WDR11: variants seen among roughly 807,000 people sequenced by gnomAD.
The protein encoded by WDR11 is WD repeat-containing protein 11.
A neutral mutation model predicts 151.2 loss-of-function variants in WDR11; 83 were observed. The ratio of observed to expected loss-of-function variants is 0.55; its 90% CI spans 0.46 to 0.66. The LOEUF (loss-of-function observed/expected upper bound fraction) is 0.66, where lower values mean the gene tolerates loss of function less well. WDR11 is among the 30% of genes least tolerant of loss of function. The pLI is 0.00. For synonymous variants in WDR11, 484 were observed against 533.1 expected (o/e 0.91, Z 1.27); for missense variants, 1,301 against 1,480.9 (o/e 0.88, Z 1.99).
intron 11 of WDR11, among the ~76,000 whole-genome samples, chr10:120,874,623 T>C (rs1164602897): frequency 6.6e-6 from 1 of 151,992 alleles, no homozygotes; most frequent in Admixed American, 6.6e-5. Flanking sequence ...TGTGTTCTCA[T>C]TGTTCAACTC....
rs140109839 is a variant in WDR11, at chr10:120,871,267, C to T, written c.1392C>T (p.Pro464=). 34 of 1,614,076 alleles carry T rather than the reference C, an allele frequency of 2.1e-5. No homozygotes were observed. The highest frequency in any genetic ancestry group is 4.0e-5 in the African/African-American group (3 of 75,016). Residue 464 remains proline, a synonymous_variant, in exon 10 of 29, where the codon CCC becomes CCT. Transcript: ENST00000263461. ...FLLTGLLSGL[P]APQFAIRMCP... is the part of the protein sequence containing the mutation. ...TGACGGGACTGCTTTCAGGACTGCC[C>T]GCACCACAGTTTGCTATTCGTATGT...
At chr10:120,901,619 G>C (rs543466138) in intron 21 of WDR11, among the ~76,000 whole-genome samples, 1 of 152,330 alleles carries the variant, frequency 6.6e-6, no homozygotes, top group Non-Finnish European at 1.5e-5. Context: ...CTTGGGGAAA[G>C]CGTAACACAT....
At chr10:120,886,606 G>C in intron 15 of WDR11, 83 bp from the exon 16 acceptor site, 3 of 1,552,696 alleles carry the variant, frequency 1.9e-6, no homozygotes, top group Non-Finnish European at 2.6e-6. Flanking sequence ...TAATGCGTCT[G>C]TACTTTGGGC....
At chr10:120,902,934 C>T in intron 22 of WDR11, 121 bp from the exon 23 acceptor site, 1 of 1,045,072 alleles carries the variant, frequency 9.6e-7, no homozygotes, top group Non-Finnish European at 1.4e-6. Flanking sequence ...CCTGTCAGGC[C>T]CCATGCCAGT....
Position 120,886,742 on chromosome 10 carries a change from G to A in WDR11, c.2027G>A (p.Arg676Gln), listed in dbSNP as rs1448502974. Reference sequence around the variant, plus strand: ...GAACTTAGTCAGAACATCTCTGCCCGGGAACATTTTGTATTTACCGATATT... The same window carrying A: ...GAACTTAGTCAGAACATCTCTGCCCAGGAACATTTTGTATTTACCGATATT... ...KSELSQNISA[R>Q]EHFVFTDIDG... The change falls in exon 16 of 29, where the codon CGG (arginine) becomes CAG (glutamine). Residue 676 changes from arginine to glutamine, a missense_variant. Around this residue, in one of 3 missense-constraint regions of WDR11, gnomAD observed 589 missense variants for 670.6 expected, o/e 0.88. Coordinates refer to ENST00000263461, the MANE Select transcript of WDR11 (RefSeq NM_018117.12). 8 of 1,613,756 alleles carry A rather than the reference G, an allele frequency of 5.0e-6. No individual in the cohort carries two copies. The highest frequency in any genetic ancestry group is 6.8e-6 in the Non-Finnish European group (8 of 1,179,944).
intron 19 of WDR11, among the ~76,000 whole-genome samples, chr10:120,892,362 T>G (rs537979817): frequency 6.6e-6 from 1 of 152,292 alleles, no homozygotes; most frequent in Non-Finnish European, 1.5e-5. Flanking sequence ...GAAAACTAAA[T>G]AGCAATTGGG....
intron 13 of WDR11, among the ~76,000 whole-genome samples, chr10:120,881,290 T>C (rs1449608957): frequency 1.3e-5 from 2 of 152,188 alleles, no homozygotes; most frequent in Non-Finnish European, 2.9e-5. Context: ...TTATTAAAAA[T>C]AGAAACTGAA....
At chr10:120,905,078 C>T (rs1184555707) in intron 25 of WDR11, among the ~76,000 whole-genome samples, 1 of 152,104 alleles carries the variant, frequency 6.6e-6, no homozygotes. Context: ...AACAATAAAA[C>T]CTGTGAGAGA....
intron 2 of WDR11, among the ~76,000 whole-genome samples, 169 bp from the exon 3 acceptor site, chr10:120,858,474 C>T (rs148324318): frequency 6.6e-6 from 1 of 152,254 alleles, no homozygotes; most frequent in East Asian, 1.9e-4. Context: ...AGATATCTAC[C>T]AAAGTAACAC....
At chr10:120,872,663 A>T (rs999740918) in intron 10 of WDR11, among the ~76,000 whole-genome samples, 3 of 152,150 alleles carry the variant, frequency 2.0e-5, no homozygotes, top group Non-Finnish European at 4.4e-5. Flanking sequence ...CCCCTAGTGC[A>T]TTAGATCATA....
chr10:120,889,237 C>A (rs1045762508), intron 17 of WDR11, 53 bp downstream of exon 17: 40 of 963,072 alleles, frequency 4.2e-5, no homozygotes, highest in Admixed American at 5.4e-5. Flanking sequence ...GAAATGAAAT[C>A]TTTTTGTTTT....
At chr10:120,880,759 G>A (rs1013766963) in intron 12 of WDR11, 67 bp from the exon 13 acceptor site, 6 of 1,350,642 alleles carry the variant, frequency 4.4e-6, no homozygotes, top group Admixed American at 1.9e-5. Flanking sequence ...TTACATTGGC[G>A]TGGCTTCTTG....
At chr10:120,873,470 T>C (rs1030581970) in intron 10 of WDR11, among the ~76,000 whole-genome samples, 1 of 152,226 alleles carries the variant, frequency 6.6e-6, no homozygotes, top group Non-Finnish European at 1.5e-5. Context: ...GCTAGATTGC[T>C]TATTTGAGGA....
At chr10:120,894,689 T>C (rs997415609) in intron 19 of WDR11, among the ~76,000 whole-genome samples, 1 of 152,218 alleles carries the variant, frequency 6.6e-6, no homozygotes, top group Non-Finnish European at 1.5e-5. Flanking sequence ...ATTCCTGTCA[T>C]GTAGGTAGCT....
chr10:120,870,600 T>A (rs1267107884), intron 9 of WDR11, among the ~76,000 whole-genome samples: 1 of 152,184 alleles, frequency 6.6e-6, no homozygotes, highest in Non-Finnish European at 1.5e-5. Flanking sequence ...TACACGTGAT[T>A]TATGAATATA....
chr10:120,890,921 C>T, intron 19 of WDR11, 34 bp downstream of exon 19: 1 of 1,608,702 alleles, frequency 6.2e-7, no homozygotes, highest in Non-Finnish European at 8.5e-7. Flanking sequence ...GCTTTGAAAC[C>T]TGTCTTTACT....
At chr10:120,869,589 GTAAA>G (rs941263279) in intron 9 of WDR11, among the ~76,000 whole-genome samples, 9 of 152,038 alleles carry the variant, frequency 5.9e-5, no homozygotes, top group Admixed American at 4.6e-4. Flanking sequence ...AGCAATTCAG[GTAAA>G]TAAAGAGGCT....
At chr10:120,902,967 A>G in intron 22 of WDR11, 88 bp from the exon 23 acceptor site, 1 of 1,375,704 alleles carries the variant, frequency 7.3e-7, no homozygotes, top group Non-Finnish European at 1.0e-6. Flanking sequence ...ATGTGACAAC[A>G]CTCCCTTCCA....
At chr10:120,869,553 T>G (rs1380070504) in intron 9 of WDR11, among the ~76,000 whole-genome samples, 2 of 152,324 alleles carry the variant, frequency 1.3e-5, no homozygotes, top group East Asian at 3.9e-4. Context: ...AATTTGAAAT[T>G]CACTGTGTTC....
Sources: gnomAD v4.1 joint callset for allele counts (sites outside exome capture counted in the v4.1 genomes callset) on GRCh38, gnomAD v4.1.1 for gene constraint, gnomAD v4.1.1 regional missense constraint, MANE v1.5 for transcripts, NCBI Gene and HGNC (gene_info 2026-07-23, HGNC 2026-07-21) for gene names.